Variants in SPAG16 observed in about 807,000 individuals in gnomAD.
SPAG16 encodes sperm associated antigen 16.
Under a neutral mutation model 80.4 loss-of-function variants are expected in SPAG16, and 86 were observed. The observed-to-expected ratio is 1.07, with a 90% CI of 0.90 to 1.28. The LOEUF (loss-of-function observed/expected upper bound fraction) is 1.28, where lower values mean the gene tolerates loss of function less well. Among genes scored for constraint, SPAG16 ranks in the 50% most tolerant of loss-of-function variants. The pLI, the probability that SPAG16 is intolerant of heterozygous loss-of-function variation, is 0.00. For missense variants in SPAG16, 870 were observed against 765.3 expected, an observed-to-expected ratio of 1.14 and a Z score of -1.61; for synonymous variants, 294 against 265.9, an observed-to-expected ratio of 1.11 and a Z score of -1.03.
intron 12 of SPAG16, among the ~76,000 whole-genome samples, chr2:213,975,119 T>C (rs1489618917): frequency 6.6e-6 from 1 of 151,244 alleles, no homozygotes; most frequent in East Asian, 1.9e-4. Context: ...CATACAATAG[T>C]AGATATCTAT....
At chr2:213,626,641 A>AGTTTTTTTTTTTTTTTTTTTTT (rs1213389671) in intron 10 of SPAG16, among the ~76,000 whole-genome samples, 1 of 98,980 alleles carries the variant, frequency 1.0e-5, no homozygotes, top group African/African-American at 3.9e-5. Context: ...ATCGGGCTCA[A>AGTTTTTTTTTTTTTTTTTTTTT]TTTTTTTTTT....
intron 10 of SPAG16, among the ~76,000 whole-genome samples, chr2:213,827,212 CA>C (rs1559500500): frequency 6.6e-6 from 1 of 151,730 alleles, no homozygotes; most frequent in Non-Finnish European, 1.5e-5. Context: ...CTACTCTGGC[CA>C]TTTTGTTTTT....
At chr2:213,458,427 C>A (rs2072161328) in intron 9 of SPAG16, among the ~76,000 whole-genome samples, 1 of 151,804 alleles carries the variant, frequency 6.6e-6, no homozygotes, top group Non-Finnish European at 1.5e-5. Context: ...AAAAAAGTAG[C>A]TGGGCGTGGT....
At chr2:213,303,646 C>A (rs964113155) in intron 3 of SPAG16, among the ~76,000 whole-genome samples, 4 of 152,056 alleles carry the variant, frequency 2.6e-5, no homozygotes, top group African/African-American at 9.7e-5. Context: ...TCTTTCTGTG[C>A]CTGACTTATT....
At position 213,925,850 on chromosome 2, in the gene SPAG16, T is replaced by G. The variant is rs1319414663; in HGVS notation, c.1215-4110T>G. Among the ~76,000 whole-genome samples, 3 of 152,210 alleles carry G rather than the reference T, an allele frequency of 2.0e-5. No homozygotes were observed. The East Asian group carries it at 5.8e-4, about 29-fold the overall frequency. On this transcript the variant is annotated intron_variant, in intron 11 of 15. Transcript: ENST00000331683. ...CTTATTAGTGTTTCTAACACATATT[T>G]ATCACTATATAAATAAATAACCTTA...
intron 15 of SPAG16, among the ~76,000 whole-genome samples, chr2:214,389,717 C>A (rs1264716277): frequency 6.6e-6 from 1 of 152,204 alleles, no homozygotes; most frequent in Non-Finnish European, 1.5e-5. Context: ...TCATTTTCCA[C>A]TGAAAATCCC....
chr2:213,514,411 T>A (rs1388746126), intron 10 of SPAG16, among the ~76,000 whole-genome samples: 1 of 152,236 alleles, frequency 6.6e-6, no homozygotes, highest in African/African-American at 2.4e-5. Flanking sequence ...TTACATCATT[T>A]AAAAATATAA....
At chr2:213,404,665 A>G (rs1178073175) in intron 9 of SPAG16, among the ~76,000 whole-genome samples, 1 of 152,210 alleles carries the variant, frequency 6.6e-6, no homozygotes, top group Non-Finnish European at 1.5e-5. Context: ...CTTCATGTCT[A>G]AAACACCAAA....
intron 13 of SPAG16, among the ~76,000 whole-genome samples, chr2:214,036,268 A>C (rs1478177587): frequency 6.6e-6 from 1 of 152,092 alleles, no homozygotes; most frequent in African/African-American, 2.4e-5. Context: ...CATGGACCAT[A>C]ATTCTTTGAG....
intron 14 of SPAG16, among the ~76,000 whole-genome samples, chr2:214,116,777 C>T (rs1291060250): frequency 6.6e-6 from 1 of 152,198 alleles, no homozygotes; most frequent in East Asian, 1.9e-4. Context: ...AGATTCACAG[C>T]AAACCTGGGC....
At chr2:214,387,431 A>T (rs1051695207) in intron 15 of SPAG16, among the ~76,000 whole-genome samples, 1 of 152,240 alleles carries the variant, frequency 6.6e-6, no homozygotes, top group African/African-American at 2.4e-5. Context: ...ACCAAATAAG[A>T]TAATTTTATG....
rs745961622 is a variant in SPAG16, at chr2:213,913,451, G to T, written c.1215-16509G>T. ...TGAGGATCTGTATTTGTTAAGGTTTGCCAGAGAAATATAATAGAACGAATA... is the reference window on the plus strand; with the variant it reads ...TGAGGATCTGTATTTGTTAAGGTTTTCCAGAGAAATATAATAGAACGAATA... On this transcript the variant is annotated intron_variant, in intron 11 of 15. Coordinates refer to ENST00000331683, the MANE Select transcript of SPAG16 (RefSeq NM_024532.5). Among the ~76,000 whole-genome samples, 4 of 151,676 alleles carry T rather than the reference G, an allele frequency of 2.6e-5. No individual in the cohort carries two copies. The South Asian group carries it at 8.3e-4, about 31-fold the overall frequency.
intron 10 of SPAG16, among the ~76,000 whole-genome samples, chr2:213,836,353 T>G (rs1056103559): frequency 6.6e-6 from 1 of 152,300 alleles, no homozygotes; most frequent in East Asian, 1.9e-4. Flanking sequence ...TATGCTTTAG[T>G]GGAAATTTTT....
At chr2:213,836,818 TG>T (rs1194353159) in intron 10 of SPAG16, among the ~76,000 whole-genome samples, 1 of 152,154 alleles carries the variant, frequency 6.6e-6, no homozygotes, top group African/African-American at 2.4e-5. Context: ...TTTGCCATGT[TG>T]GCCAGGCTGG....
chr2:214,106,646 A>C (rs1031844316), intron 13 of SPAG16, among the ~76,000 whole-genome samples: 2 of 152,124 alleles, frequency 1.3e-5, no homozygotes, highest in Non-Finnish European at 2.9e-5. Flanking sequence ...AATGGCCAAT[A>C]ACAGTGAGGG....
intron 9 of SPAG16, among the ~76,000 whole-genome samples, chr2:213,439,141 C>G (rs545433961): frequency 2.0e-5 from 3 of 152,336 alleles, no homozygotes; most frequent in African/African-American, 4.8e-5. Flanking sequence ...CCTACTCACA[C>G]TCCTGACCCA....
At chr2:214,361,573 G>T (rs1699186197) in intron 15 of SPAG16, among the ~76,000 whole-genome samples, 1 of 151,770 alleles carries the variant, frequency 6.6e-6, no homozygotes, top group Non-Finnish European at 1.5e-5. Context: ...AGGTTGTTTT[G>T]TTTAAGCATA....
chr2:213,936,009 A>G (rs2078973627), intron 12 of SPAG16, among the ~76,000 whole-genome samples: 1 of 148,578 alleles, frequency 6.7e-6, no homozygotes, highest in Admixed American at 6.7e-5. Flanking sequence ...AAACTAGAGC[A>G]CAGGTGAAAA....
intron 11 of SPAG16, among the ~76,000 whole-genome samples, chr2:213,928,599 G>A (rs192242577): frequency 3.7e-4 from 56 of 152,296 alleles, no homozygotes; most frequent in African/African-American, 1.2e-3. Context: ...TGTCAGAGAT[G>A]CCAGAAACTT....
Sources: gnomAD v4.1 joint callset for allele counts (sites outside exome capture counted in the v4.1 genomes callset) on GRCh38, gnomAD v4.1.1 for gene constraint, MANE v1.5 for transcripts, NCBI Gene and HGNC (gene_info 2026-07-23, HGNC 2026-07-21) for gene names.